PAK5: variants seen among roughly 807,000 people sequenced by gnomAD.
The protein encoded by PAK5 is p21 (RAC1) activated kinase 5, also known as serine/threonine-protein kinase PAK 5.
PAK5 carries 16 observed loss-of-function variants against 65.9 expected under a neutral mutation model. The ratio of observed to expected loss-of-function variants is 0.24; its 90% CI spans 0.16 to 0.37. The LOEUF is 0.37. PAK5 is among the 10% of genes least tolerant of loss of function. The pLI, the probability that PAK5 is intolerant of heterozygous loss-of-function variation, is 1.00. For missense variants in PAK5, 785 were observed against 903.9 expected (o/e 0.87, Z 1.69); for synonymous variants, 371 against 354.9 (o/e 1.05, Z -0.51).
Position 9,562,959 on chromosome 20 carries a change from G to T in PAK5, c.1548C>A (p.Gly516=). Residue 516 remains glycine (G), a synonymous_variant, in exon 6 of 10, where the codon GGC becomes GGA. Coordinates refer to ENST00000353224, the MANE Select transcript of PAK5 (RefSeq NM_177990.4). ...VVDMYSSYLV[G]DELWVVMEFL... The stretch of plus-strand genomic sequence containing the variant: ...ACTCCATGACCACCCAGAGCTCATC[G>T]CCGACAAGGTAGCTGCTGTACATGT... 6.2e-7 allele frequency: 1 copy of T among 1,613,036 alleles called. No homozygotes were observed. The highest frequency in any genetic ancestry group is 1.1e-5 in the South Asian group (1 of 91,010).
At chr20:9,597,206 G>A (rs1476922568) in intron 3 of PAK5, among the ~76,000 whole-genome samples, 1 of 152,130 alleles carries the variant, frequency 6.6e-6, no homozygotes, top group Non-Finnish European at 1.5e-5. Context: ...TGTACTGAGA[G>A]GGTTTCCCTG....
intron 1 of PAK5, among the ~76,000 whole-genome samples, chr20:9,776,162 T>C (rs1386925416): frequency 6.6e-6 from 1 of 152,176 alleles, no homozygotes; most frequent in Non-Finnish European, 1.5e-5. Context: ...AGCAGGAATA[T>C]AGCACAGGTG....
At chr20:9,687,911 G>GTGTGTGTA (rs1358261936) in intron 2 of PAK5, among the ~76,000 whole-genome samples, 1 of 150,730 alleles carries the variant, frequency 6.6e-6, no homozygotes, top group East Asian at 1.9e-4. Flanking sequence ...GTGTGTGTGT[G>GTGTGTGTA]TGTTATGTGT....
intron 1 of PAK5, among the ~76,000 whole-genome samples, chr20:9,741,864 A>C (rs188328542): frequency 1.3e-5 from 2 of 151,726 alleles, no homozygotes; most frequent in African/African-American, 4.9e-5. Context: ...CCAATGATCT[A>C]GCAGAGAAAA....
intron 1 of PAK5, among the ~76,000 whole-genome samples, chr20:9,738,422 A>T (rs529512418): frequency 1.2e-4 from 19 of 152,210 alleles, no homozygotes; most frequent in Admixed American, 5.2e-4. Context: ...ACAAATGTCC[A>T]TCAACAGGTG....
At position 9,585,736 on chromosome 20, in the gene PAK5, T is replaced by C. The variant is rs561793609; in HGVS notation, c.205-4806A>G. Among the ~76,000 whole-genome samples, 7 of 152,320 alleles carry C rather than the reference T, an allele frequency of 4.6e-5. No individual in the cohort carries two copies. In the South Asian group the frequency reaches 1.5e-3, roughly 32 times the overall value. On this transcript the variant is annotated intron_variant, in intron 3 of 9. Transcript: ENST00000353224. ...TGTAGCTGCAGATAGAAGGAGGTGC[T>C]AGAGAACAGTTTTAAAACATCCTAA... is the stretch of plus-strand genomic sequence containing the variant.
chr20:9,744,159 G>A (rs1287986998), intron 1 of PAK5, among the ~76,000 whole-genome samples: 2 of 152,114 alleles, frequency 1.3e-5, no homozygotes, highest in Non-Finnish European at 2.9e-5. Flanking sequence ...TTATTTTTAG[G>A]TCATTGATAA....
intron 3 of PAK5, among the ~76,000 whole-genome samples, chr20:9,623,247 G>T (rs570372255): frequency 6.6e-6 from 1 of 152,200 alleles, no homozygotes; most frequent in East Asian, 1.9e-4. Flanking sequence ...AGTGAGTTGG[G>T]AGTTTGTTGA....
At chr20:9,802,291 C>A (rs943801823) in intron 1 of PAK5, among the ~76,000 whole-genome samples, 8 of 151,954 alleles carry the variant, frequency 5.3e-5, no homozygotes, top group Non-Finnish European at 8.8e-5. Context: ...GTTGTACTCA[C>A]GAGACAATGG....
At chr20:9,739,428 T>C (rs546165021) in intron 1 of PAK5, among the ~76,000 whole-genome samples, 2 of 152,184 alleles carry the variant, frequency 1.3e-5, no homozygotes, top group South Asian at 4.1e-4. Context: ...TATATTACTA[T>C]ACTGAAATTG....
At position 9,644,191 on chromosome 20, in the gene PAK5, C is replaced by T. The variant is rs772260123; in HGVS notation, c.138G>A (p.Thr46=). Residue 46 remains threonine (T), a synonymous_variant, in exon 3 of 10, where the codon ACG becomes ACA. Transcript: ENST00000353224. ...PQQWHSLLAD[T]ANRPKPMVDP... ...CCACCATAGGCTTTGGCCTGTTGGC[C>T]GTATCTGCTAACAGGCTGTGCCACT... The T allele has an allele frequency of 1.6e-5, 26 of 1,609,918 alleles. No individual in the cohort carries two copies. The highest frequency in any genetic ancestry group is 4.5e-5 in the East Asian group (2 of 44,848).
chr20:9,639,398 T>C (rs889164896), intron 3 of PAK5, among the ~76,000 whole-genome samples: 8 of 152,212 alleles, frequency 5.3e-5, no homozygotes, highest in Non-Finnish European at 8.8e-5. Context: ...TATGGGAGTT[T>C]AGTGTTAGTA....
At chr20:9,558,091 C>G (rs1179140387) in intron 6 of PAK5, among the ~76,000 whole-genome samples, 1 of 147,362 alleles carries the variant, frequency 6.8e-6, no homozygotes, top group African/African-American at 2.6e-5. Context: ...GAGTCCCGCT[C>G]TGTCACCCAG....
intron 3 of PAK5, among the ~76,000 whole-genome samples, chr20:9,591,087 C>T (rs2046162345): frequency 1.3e-5 from 2 of 152,186 alleles, no homozygotes; most frequent in African/African-American, 4.8e-5. Context: ...GGATTAAACA[C>T]TTGCTGTGTG....
At chr20:9,665,417 T>C (rs1820936805) in intron 2 of PAK5, among the ~76,000 whole-genome samples, 1 of 152,152 alleles carries the variant, frequency 6.6e-6, no homozygotes, top group Non-Finnish European at 1.5e-5. Context: ...CCCTTGCTGC[T>C]AGCTGTGAAC....
In PAK5 at chr20:9,565,992, G is replaced by A. The variant is rs2122993444; in HGVS notation, c.1383C>T (p.Gly461=). Reference sequence around the variant, plus strand: ...GTTTCTCGGTGGCGATGCATACGATGCCGGTTGAGCCTTCCCCGATTTTGA... The same window carrying A: ...GTTTCTCGGTGGCGATGCATACGATACCGGTTGAGCCTTCCCCGATTTTGA... ...NFIKIGEGST[G]IVCIATEKHT... The change falls in exon 5 of 10, where the codon GGC becomes GGT. Residue 461 remains glycine, a synonymous_variant. Transcript: ENST00000353224. 6.4e-7 allele frequency: 1 copy of A among 1,571,074 alleles called. No homozygotes were observed. The highest frequency in any genetic ancestry group is 8.6e-7 in the Non-Finnish European group (1 of 1,158,972).
At chr20:9,793,011 G>A (rs954830899) in intron 1 of PAK5, among the ~76,000 whole-genome samples, 2 of 152,156 alleles carry the variant, frequency 1.3e-5, no homozygotes, top group African/African-American at 4.8e-5. Context: ...ACTTAGGTGG[G>A]AAAGGTTTTT....
At chr20:9,738,212 G>A (rs77137875) in intron 1 of PAK5, among the ~76,000 whole-genome samples, 8,304 of 152,110 alleles carry the variant, frequency 0.055, 304 homozygotes, top group South Asian at 0.1. Context: ...ACACATTCTC[G>A]GTGGGAATGG....
intron 3 of PAK5, among the ~76,000 whole-genome samples, chr20:9,604,215 G>A (rs1357534516): frequency 6.6e-6 from 1 of 152,212 alleles, no homozygotes; most frequent in Admixed American, 6.5e-5. Flanking sequence ...TGGAACACAA[G>A]CTGCCTAGGG....
Sources: gnomAD v4.1 joint callset for allele counts (sites outside exome capture counted in the v4.1 genomes callset) on GRCh38, gnomAD v4.1.1 for gene constraint, MANE v1.5 for transcripts, NCBI Gene and HGNC (gene_info 2026-07-23, HGNC 2026-07-21) for gene names.